The following NRDC variants were observed in gnomAD, a reference collection of about 807,000 sequenced individuals.
The protein encoded by NRDC is nardilysin convertase.
A neutral mutation model predicts 147.1 loss-of-function variants in NRDC; 54 were observed. The observed-to-expected ratio is 0.37, with a 90% CI of 0.29 to 0.46. The LOEUF (loss-of-function observed/expected upper bound fraction) is 0.46. NRDC is among the 20% of genes least tolerant of loss of function. The pLI is 1.00. For missense variants in NRDC, 1,082 were observed against 1,370.6 expected (o/e 0.79, Z 3.33); for synonymous variants, 440 against 482.1 (o/e 0.91, Z 1.14).
chr1:51,839,416 C>T (rs1238819305), intron 2 of NRDC, among the ~76,000 whole-genome samples: 14 of 152,142 alleles, frequency 9.2e-5, no homozygotes, highest in African/African-American at 3.1e-4. Context: ...CTGCCCATCT[C>T]GGCCTCTTTG....
intron 13 of NRDC, chr1:51,814,303 TA>T (rs1352901997): frequency 5.3e-6 from 3 of 564,156 alleles, no homozygotes; most frequent in Non-Finnish European, 9.4e-6. Flanking sequence ...AATAAAAGTT[TA>T]AAAAATTCTC....
chr1:51,860,328 T>C (rs765125130), intron 1 of NRDC, among the ~76,000 whole-genome samples: 2 of 152,082 alleles, frequency 1.3e-5, no homozygotes, highest in South Asian at 2.1e-4. Flanking sequence ...CCAGATAGAA[T>C]TGTTTTTTCT....
At position 51,868,410 on chromosome 1, in the gene NRDC, G is replaced by A. The variant is rs528568692; in HGVS notation, c.341+9865C>T. ...TAGCACAACAGAAGATGAAGATGAA[G>A]ATAGAACGTTAAGAACAAAATAGAA... On this transcript the variant is annotated intron_variant, in intron 1 of 30. Coordinates refer to ENST00000352171, the MANE Select transcript of NRDC (RefSeq NM_001101662.2). Among the ~76,000 whole-genome samples the A allele has an allele frequency of 1.7e-3, 261 of 150,970 alleles. 1 individual carries two copies. The highest frequency in any genetic ancestry group is 3.6e-3 in the Admixed American group (55 of 15,090).
intron 1 of NRDC, among the ~76,000 whole-genome samples, chr1:51,858,379 T>C (rs1682360622): frequency 6.6e-6 from 1 of 150,724 alleles, no homozygotes; most frequent in South Asian, 2.1e-4. Context: ...CTCAGGAGGC[T>C]GAGGTGGGAA....
intron 1 of NRDC, among the ~76,000 whole-genome samples, chr1:51,842,198 A>C (rs150040790): frequency 1.2e-4 from 19 of 152,020 alleles, no homozygotes; most frequent in Non-Finnish European, 1.2e-4. Context: ...ATAATAAAAA[A>C]TAATCACATT....
At position 51,806,817 on chromosome 1, in the gene NRDC, T is replaced by C. The variant is rs775228003; in HGVS notation, c.2087A>G (p.Asp696Gly). 1.2e-6 allele frequency: 2 copies of C among 1,613,554 alleles called. No individual in the cohort carries two copies. Among genetic ancestry groups the C allele is most frequent in the African/African-American group, 2.7e-5 (2 of 74,914 alleles). ...ACCTTTGGGGATTTTGAATTTGTTGTCTTTCTTATACCACAGGCAACCTTG... is the reference window on the plus strand; with the variant it reads ...ACCTTTGGGGATTTTGAATTTGTTGCCTTTCTTATACCACAGGCAACCTTG... ...TPQGCLWYKK[D>G]NKFKIPKAYI... Residue 696 changes from aspartate to glycine, a missense_variant, in exon 18 of 31, where the codon GAC becomes GGC. Around this residue, in one of 3 missense-constraint regions of NRDC, gnomAD observed 635 missense variants for 923.8 expected, o/e 0.69. Transcript: ENST00000352171.
rs556560641 is a variant in NRDC, at chr1:51,794,334, T to A, written c.2775+138A>T. 48 of 804,400 alleles carry A rather than the reference T, an allele frequency of 6.0e-5. No homozygotes were observed. In the South Asian group the frequency reaches 8.4e-4, roughly 14 times the overall value. The allele number at this position is 804,400 out of a possible 1,614,324, so 49.8% of individuals were successfully genotyped here. On this transcript the variant is annotated intron_variant, in intron 24 of 30. Transcript: ENST00000352171. ...CCATTTTACCAACAGGAGCAATTTT[T>A]AAATGTAGTTGCTTCAAGAGGACAA...
At chr1:51,863,902 T>G (rs1315562147) in intron 1 of NRDC, among the ~76,000 whole-genome samples, 1 of 152,230 alleles carries the variant, frequency 6.6e-6, no homozygotes, top group Non-Finnish European at 1.5e-5. Flanking sequence ...TTGAAAATAT[T>G]GTAAATTGAA....
chr1:51,829,382 C>T (rs1680601362), intron 4 of NRDC, among the ~76,000 whole-genome samples: 1 of 152,236 alleles, frequency 6.6e-6, no homozygotes, highest in South Asian at 2.1e-4. Flanking sequence ...ATTTAGTGTA[C>T]AATTTATGAT....
intron 1 of NRDC, among the ~76,000 whole-genome samples, chr1:51,846,310 C>T (rs1251881174): frequency 6.6e-6 from 1 of 152,122 alleles, no homozygotes; most frequent in Non-Finnish European, 1.5e-5. Context: ...ACGGGGTTTT[C>T]ACCATGTTGG....
At chr1:51,846,451 G>T (rs2149229510) in intron 1 of NRDC, among the ~76,000 whole-genome samples, 1 of 152,288 alleles carries the variant, frequency 6.6e-6, no homozygotes, top group East Asian at 1.9e-4. Context: ...CACTCTTTTT[G>T]TGTCTGGAAT....
intron 1 of NRDC, among the ~76,000 whole-genome samples, chr1:51,843,063 CAA>C (rs11356852): frequency 0.017 from 1,163 of 67,982 alleles, 10 homozygotes; most frequent in African/African-American, 0.063. Flanking sequence ...AAACCTGTCT[CAA>C]AAAAAAAAAA....
intron 30 of NRDC, 67 bp from the exon 31 acceptor site, chr1:51,789,500 G>A: frequency 6.3e-7 from 1 of 1,593,406 alleles, no homozygotes; most frequent in South Asian, 1.1e-5. Context: ...GAGTTCTGAT[G>A]ATAACCACCC....
chr1:51,801,874 G>A (rs538378190), intron 20 of NRDC, among the ~76,000 whole-genome samples: 197 of 151,816 alleles, frequency 1.3e-3, no homozygotes, highest in Non-Finnish European at 1.5e-3. Flanking sequence ...TTCAAGCTCC[G>A]CCTCCCAGGG....
At chr1:51,824,895 C>A (rs1176955976) in intron 6 of NRDC, among the ~76,000 whole-genome samples, 3 of 152,232 alleles carry the variant, frequency 2.0e-5, no homozygotes, top group Non-Finnish European at 4.4e-5. Flanking sequence ...TCAAGTGATT[C>A]TCCCACCTCA....
At chr1:51,840,066 G>A (rs189872452) in intron 2 of NRDC, 160 bp downstream of exon 2, 105 of 533,310 alleles carry the variant, frequency 2.0e-4, no homozygotes, top group Admixed American at 2.9e-4. Flanking sequence ...TTTATAATTG[G>A]AGGAAAATGT....
At chr1:51,864,949 T>TAA (rs76818656) in intron 1 of NRDC, among the ~76,000 whole-genome samples, 100 of 133,836 alleles carry the variant, frequency 7.5e-4, no homozygotes, top group African/African-American at 1.7e-3. Flanking sequence ...GACCTGGTCT[T>TAA]AAAAAAAAAA....
At position 51,800,689 on chromosome 1, in the gene NRDC, A is replaced by G; in HGVS notation, c.2314-6T>C. The G allele has an allele frequency of 6.2e-7, 1 of 1,610,168 alleles. No individual in the cohort carries two copies. Among genetic ancestry groups the G allele is most frequent in the Non-Finnish European group, 8.5e-7 (1 of 1,178,636 alleles). On this transcript the variant is annotated splice_polypyrimidine_tract_variant and splice_region_variant and intron_variant, in intron 20 of 30. Transcript: ENST00000352171. Reference sequence around the variant, plus strand: ...ATAATGAGCTGAAACAGTAGCTAAAAGAAAAAGAAGGAAGCATTTTAAGAA... The same window carrying G: ...ATAATGAGCTGAAACAGTAGCTAAAGGAAAAAGAAGGAAGCATTTTAAGAA...
At chr1:51,863,038 A>AC (rs35081307) in intron 1 of NRDC, among the ~76,000 whole-genome samples, 3 of 148,864 alleles carry the variant, frequency 2.0e-5, no homozygotes, top group Non-Finnish European at 3.0e-5. Context: ...AAAAAAAAAA[A>AC]CAAGCAATAA....
Sources: allele counts gnomAD v4.1 joint callset (sites outside exome capture counted in the v4.1 genomes callset), GRCh38; gene constraint gnomAD v4.1.1; regional missense constraint gnomAD v4.1.1; transcripts MANE v1.5; gene names NCBI Gene and HGNC (gene_info 2026-07-23, HGNC 2026-07-21).